The following GBE1 variants were observed in gnomAD, a reference collection of about 807,000 sequenced individuals.
GBE1 encodes 1,4-alpha-glucan-branching enzyme.
In GBE1, 70 loss-of-function variants were observed where a neutral mutation model predicts 88.8. The ratio of observed to expected loss-of-function variants is 0.79; its 90% CI spans 0.65 to 0.96. GBE1 has a LOEUF of 0.96. GBE1 is among the 40% of genes least tolerant of loss of function. GBE1 has a pLI of 0.00. For synonymous variants in GBE1, 284 were observed against 300.1 expected, an observed-to-expected ratio of 0.95 and a Z score of 0.56; for missense variants, 872 against 871.0, an observed-to-expected ratio of 1.00 and a Z score of -0.01.
chr3:81,583,993 AT>A (rs1284925326), intron 10 of GBE1, among the ~76,000 whole-genome samples: 1 of 152,090 alleles, frequency 6.6e-6, no homozygotes, highest in Non-Finnish European at 1.5e-5. Flanking sequence ...AAAATGTTTA[AT>A]TAGAAAAACT....
chr3:81,514,919 T>G (rs7637268), intron 14 of GBE1, among the ~76,000 whole-genome samples: 45,837 of 151,376 alleles, frequency 0.3, 7,233 homozygotes, highest in East Asian at 0.43. Context: ...ATCCATGTCA[T>G]AAATTTAGTT....
At chr3:81,661,154 GA>G (rs1187263132) in intron 3 of GBE1, among the ~76,000 whole-genome samples, 2 of 151,924 alleles carry the variant, frequency 1.3e-5, no homozygotes, top group Non-Finnish European at 2.9e-5. Context: ...AAAAATGTGA[GA>G]AAGTGTTCAA....
chr3:81,581,046 T>C (rs1703722101), intron 11 of GBE1, 119 bp downstream of exon 11: 3 of 621,500 alleles, frequency 4.8e-6, no homozygotes, highest in Non-Finnish European at 5.6e-6. Context: ...CATACACACA[T>C]TATAGTAACT....
At chr3:81,631,986 G>A (rs532278151) in intron 7 of GBE1, among the ~76,000 whole-genome samples, 1 of 152,126 alleles carries the variant, frequency 6.6e-6, no homozygotes, top group African/African-American at 2.4e-5. Flanking sequence ...AGGCCCTGGT[G>A]TGTGATGTTC....
intron 7 of GBE1, among the ~76,000 whole-genome samples, chr3:81,624,645 C>G (rs1704378869): frequency 6.6e-6 from 1 of 150,534 alleles, no homozygotes; most frequent in Non-Finnish European, 1.5e-5. Flanking sequence ...AGATGTGATA[C>G]ACACACATGC....
chr3:81,505,625 C>T (rs1016742509), intron 14 of GBE1, among the ~76,000 whole-genome samples: 1 of 152,102 alleles, frequency 6.6e-6, no homozygotes, highest in East Asian at 1.9e-4. Flanking sequence ...TGAACTACAA[C>T]TTTCAGTTTC....
At chr3:81,748,479 C>A (rs543565942) in intron 1 of GBE1, among the ~76,000 whole-genome samples, 1 of 151,344 alleles carries the variant, frequency 6.6e-6, no homozygotes, top group Non-Finnish European at 1.5e-5. Context: ...GGTGTGGTGG[C>A]GGGCGCCTGT....
At chr3:81,599,997 G>C (rs1184653531) in intron 7 of GBE1, among the ~76,000 whole-genome samples, 5 of 152,126 alleles carry the variant, frequency 3.3e-5, no homozygotes, top group Non-Finnish European at 1.5e-5. Flanking sequence ...CGATTGGCTG[G>C]GTGCAGTGGC....
chr3:81,519,187 C>T lies in GBE1; in HGVS notation c.1934+16008G>A, dbSNP rs183012007. On this transcript the variant is annotated intron_variant, in intron 14 of 15. Coordinates refer to ENST00000429644, the MANE Select transcript of GBE1 (RefSeq NM_000158.4). Reference sequence around the variant, plus strand: ...ACACTGCAGTAAATCATCCAAGTGACCTTATTTGCTTATTAGAAACTCTGT... The same window carrying T: ...ACACTGCAGTAAATCATCCAAGTGATCTTATTTGCTTATTAGAAACTCTGT... Among the ~76,000 whole-genome samples the T allele has an allele frequency of 1.3e-3, 196 of 151,696 alleles. 1 individual carries two copies. Among genetic ancestry groups the T allele is most frequent in the Admixed American group, 1.8e-3 (27 of 15,174 alleles).
At chr3:81,668,719 T>C (rs1416224764) in intron 3 of GBE1, among the ~76,000 whole-genome samples, 2 of 152,146 alleles carry the variant, frequency 1.3e-5, no homozygotes, top group Non-Finnish European at 2.9e-5. Flanking sequence ...GAGCTTTATG[T>C]CTATTTAGTT....
At chr3:81,528,669 G>T (rs1702977419) in intron 14 of GBE1, among the ~76,000 whole-genome samples, 1 of 151,948 alleles carries the variant, frequency 6.6e-6, no homozygotes, top group African/African-American at 2.4e-5. Context: ...CCAGTGTGGG[G>T]TGCATATCTA....
chr3:81,689,135 C>T (rs1428195915), intron 2 of GBE1, among the ~76,000 whole-genome samples: 5 of 152,126 alleles, frequency 3.3e-5, no homozygotes, highest in Non-Finnish European at 1.5e-5. Context: ...AATTGAATCA[C>T]TTTTAAATGA....
At chr3:81,493,184 A>G (rs2106801001) in intron 15 of GBE1, among the ~76,000 whole-genome samples, 1 of 152,308 alleles carries the variant, frequency 6.6e-6, no homozygotes, top group South Asian at 2.1e-4. Flanking sequence ...AGAACCAGAA[A>G]CTGGACAAGA....
Position 81,670,903 on chromosome 3 carries a change from AT to A in GBE1, c.363del (p.Lys121AsnfsTer22). 6.3e-7 allele frequency: 1 copy of A among 1,575,704 alleles called. No homozygotes were observed. Among genetic ancestry groups the A allele is most frequent in the Admixed American group, 1.9e-5 (1 of 52,694 alleles). On this transcript the variant is annotated frameshift_variant, in exon 3 of 16. Coordinates refer to ENST00000429644, the MANE Select transcript of GBE1 (RefSeq NM_000158.4). LOFTEE classifies it high-confidence loss of function. Reference sequence around the variant, plus strand: ...TGCTTTGGTGGGATATACAGCTCCCATTTTCCATAATCCAGTTTTTTGTATG... The same window carrying A: ...TGCTTTGGTGGGATATACAGCTCCCATTTCCATAATCCAGTTTTTTGTATG... ...SYPYKKLDYG[K>X]WELYIPPKQN...
In GBE1 at chr3:81,591,152, G is replaced by A. The variant is rs776192396; in HGVS notation, c.1121C>T (p.Ser374Leu). Residue 374 changes from serine (S) to leucine (L), a missense_variant, in exon 9 of 16, where the codon TCA becomes TTA. Coordinates refer to ENST00000429644, the MANE Select transcript of GBE1 (RefSeq NM_000158.4). ...TCCGAAATATTCACTGTAATCACCTGAGAAACCTTGACCTTAGAAAAAGAA... is the reference window on the plus strand; with the variant it reads ...TCCGAAATATTCACTGTAATCACCTAAGAAACCTTGACCTTAGAAAAAGAA... ...YHHHGVGQGFSGDYSEYFGLQ... is the reference protein window; with the variant it reads ...YHHHGVGQGFLGDYSEYFGLQ... The A allele has an allele frequency of 1.4e-5, 23 of 1,600,136 alleles. No homozygotes were observed. In the South Asian group the frequency reaches 2.1e-4, roughly 15 times the overall value.
At chr3:81,540,999 C>T (rs1703136393) in intron 12 of GBE1, among the ~76,000 whole-genome samples, 2 of 151,974 alleles carry the variant, frequency 1.3e-5, no homozygotes, top group Admixed American at 1.3e-4. Context: ...CACCTGATGA[C>T]CTCCCCAACT....
chr3:81,568,298 C>T lies in GBE1; in HGVS notation c.1618+9627G>A, dbSNP rs1328615693. ...AAGTAGCTGAGACTACAGGTGCGTG[C>T]CACCATGCACAGCTAATTTTTGTAT... On this transcript the variant is annotated intron_variant, in intron 12 of 15. Transcript: ENST00000429644. Among the ~76,000 whole-genome samples, 5 of 152,194 alleles carry T rather than the reference C, an allele frequency of 3.3e-5. No individual in the cohort carries two copies. In the South Asian group the frequency reaches 6.2e-4, roughly 19 times the overall value.
At chr3:81,508,688 C>T (rs918912935) in intron 14 of GBE1, among the ~76,000 whole-genome samples, 6 of 152,068 alleles carry the variant, frequency 3.9e-5, no homozygotes, top group South Asian at 4.1e-4. Context: ...GAAACGGGGA[C>T]GTCTCTGAAA....
chr3:81,736,547 A>G (rs1424534780), intron 1 of GBE1, among the ~76,000 whole-genome samples: 1 of 152,196 alleles, frequency 6.6e-6, no homozygotes, highest in African/African-American at 2.4e-5. Flanking sequence ...TGCTAATACA[A>G]ATTAGCCTGC....
Sources: allele counts gnomAD v4.1 joint callset (sites outside exome capture counted in the v4.1 genomes callset), GRCh38; gene constraint gnomAD v4.1.1; transcripts MANE v1.5; gene names NCBI Gene and HGNC (gene_info 2026-07-23, HGNC 2026-07-21).